The following PIBF1 variants were observed in gnomAD, a reference collection of about 807,000 sequenced individuals.
PIBF1 encodes the protein progesterone-induced-blocking factor 1.
Under a neutral mutation model 112.5 loss-of-function variants are expected in PIBF1, and 90 were observed. The ratio of observed to expected loss-of-function variants is 0.80; its 90% confidence interval spans 0.67 to 0.95. The LOEUF (loss-of-function observed/expected upper bound fraction) is 0.95, where lower values mean the gene tolerates loss of function less well. Ranked by LOEUF, PIBF1 falls within the 40% of genes least tolerant of loss-of-function variation. The pLI is 0.00. For synonymous variants in PIBF1, 301 were observed against 288.6 expected, an observed-to-expected ratio of 1.04 and a Z score of -0.44; for missense variants, 915 against 852.3, an observed-to-expected ratio of 1.07 and a Z score of -0.92.
At chr13:72,799,070 A>C (rs2035337285) in intron 5 of PIBF1, among the ~76,000 whole-genome samples, 1 of 152,226 alleles carries the variant, frequency 6.6e-6, no homozygotes, top group East Asian at 1.9e-4. Flanking sequence ...GGTTAGGATT[A>C]GAACGTTAGG....
chr13:72,811,759 C>T (rs1192072304), intron 5 of PIBF1, among the ~76,000 whole-genome samples: 1 of 152,000 alleles, frequency 6.6e-6, no homozygotes, highest in East Asian at 1.9e-4. Flanking sequence ...TTGCCTATAC[C>T]TCTAAAACCT....
At chr13:72,942,187 A>G (rs939519180) in intron 14 of PIBF1, among the ~76,000 whole-genome samples, 1 of 151,430 alleles carries the variant, frequency 6.6e-6, no homozygotes, top group Admixed American at 6.6e-5. Context: ...GGAGACTCAC[A>G]TACCTACCAT....
At chr13:72,805,389 G>T (rs893834430) in intron 5 of PIBF1, among the ~76,000 whole-genome samples, 2 of 152,130 alleles carry the variant, frequency 1.3e-5, no homozygotes, top group Non-Finnish European at 2.9e-5. Flanking sequence ...TCATCCGCCC[G>T]CCTTGACCTC....
rs989318457 is a variant in PIBF1, at chr13:72,827,064, A to T, written c.861A>T (p.Ile287=). The change falls in exon 7 of 18, where the codon ATA becomes ATT. Residue 287 remains isoleucine (I), a synonymous_variant. Coordinates refer to ENST00000326291, the MANE Select transcript of PIBF1 (RefSeq NM_006346.4). ...TTGAGCTTAGGAGAAAACATGAAAT[A>T]CTTGAAGCCTCTCACATGATTCAAA... ...EVIELRRKHE[I]LEASHMIQTK... 1 of 1,606,408 alleles carries T rather than the reference A, an allele frequency of 6.2e-7. No individual in the cohort carries two copies. Among genetic ancestry groups the T allele is most frequent in the Non-Finnish European group, 8.5e-7 (1 of 1,176,378 alleles).
intron 10 of PIBF1, among the ~76,000 whole-genome samples, chr13:72,871,337 G>T (rs925090694): frequency 2.6e-5 from 4 of 152,020 alleles, no homozygotes; most frequent in African/African-American, 9.7e-5. Flanking sequence ...ATGGAGTCTT[G>T]CTCTGTCGCC....
intron 14 of PIBF1, among the ~76,000 whole-genome samples, chr13:72,946,221 G>A (rs2042145782): frequency 6.6e-6 from 1 of 152,132 alleles, no homozygotes. Context: ...TCTTCACATG[G>A]TGGCAGCAAG....
intron 12 of PIBF1, among the ~76,000 whole-genome samples, chr13:72,912,016 G>A (rs9573062): frequency 0.74 from 112,394 of 151,212 alleles, 42,039 homozygotes; most frequent in African/African-American, 0.81. Flanking sequence ...AAGGAAGGAA[G>A]GAAAGAGAAA....
At chr13:72,794,691 G>A (rs754079695) in intron 3 of PIBF1, among the ~76,000 whole-genome samples, 2 of 152,146 alleles carry the variant, frequency 1.3e-5, no homozygotes, top group African/African-American at 2.4e-5. Flanking sequence ...ACATGCCTTT[G>A]CTTCTCTTTT....
chr13:72,796,000 G>T (rs2035173490), intron 4 of PIBF1, among the ~76,000 whole-genome samples: 1 of 152,118 alleles, frequency 6.6e-6, no homozygotes. Flanking sequence ...TTAATCTATG[G>T]CAGTGGTCTC....
chr13:72,868,828 TAAA>T (rs56290400), intron 10 of PIBF1, among the ~76,000 whole-genome samples: 164 of 114,228 alleles, frequency 1.4e-3, no homozygotes, highest in Admixed American at 2.0e-3. Flanking sequence ...TCCCAAAAAG[TAAA>T]AAAAAAAAAA....
intron 8 of PIBF1, among the ~76,000 whole-genome samples, chr13:72,829,402 A>G (rs1031127220): frequency 6.6e-6 from 1 of 152,150 alleles, no homozygotes; most frequent in Non-Finnish European, 1.5e-5. Flanking sequence ...TAGGATTTTT[A>G]TGATCCTAGG....
At chr13:72,986,846 G>A (rs893503010) in intron 16 of PIBF1, among the ~76,000 whole-genome samples, 16 of 151,946 alleles carry the variant, frequency 1.1e-4, no homozygotes, top group Admixed American at 1.3e-4. Flanking sequence ...GCCCGCCACC[G>A]CGCCCGGCTA....
chr13:72,911,678 C>G (rs2040899287), intron 12 of PIBF1, among the ~76,000 whole-genome samples: 1 of 151,976 alleles, frequency 6.6e-6, no homozygotes, highest in African/African-American at 2.4e-5. Context: ...AATGAATAGC[C>G]AAGCCACAGA....
chr13:72,798,115 G>A, intron 5 of PIBF1, 89 bp downstream of exon 5: 2 of 1,379,528 alleles, frequency 1.4e-6, no homozygotes, highest in South Asian at 1.6e-5. Flanking sequence ...ATAAAAGTCA[G>A]TGATTGAAAA....
chr13:72,845,154 A>G (rs772948014), intron 9 of PIBF1, among the ~76,000 whole-genome samples: 7 of 151,080 alleles, frequency 4.6e-5, no homozygotes, highest in Non-Finnish European at 1.0e-4. Flanking sequence ...CCCACCCCCA[A>G]GTTGGCTCCA....
intron 7 of PIBF1, 152 bp downstream of exon 7, chr13:72,827,270 CAGG>C (rs745829130): frequency 2.7e-5 from 9 of 327,738 alleles, no homozygotes; most frequent in Non-Finnish European, 4.0e-5. Flanking sequence ...TTTTTTGAGA[CAGG>C]AGTCTTTCCC....
At chr13:72,838,275 A>G (rs2037448715) in intron 9 of PIBF1, among the ~76,000 whole-genome samples, 1 of 152,232 alleles carries the variant, frequency 6.6e-6, no homozygotes, top group African/African-American at 2.4e-5. Flanking sequence ...AGAAACAATT[A>G]TCATAAGTAT....
intron 5 of PIBF1, among the ~76,000 whole-genome samples, chr13:72,808,088 G>A (rs551343501): frequency 1.2e-4 from 18 of 152,160 alleles, no homozygotes; most frequent in African/African-American, 2.2e-4. Context: ...AGTTATTTCC[G>A]ATTCAGAGAC....
intron 17 of PIBF1, among the ~76,000 whole-genome samples, chr13:73,002,809 T>C (rs764197722): frequency 1.3e-5 from 2 of 151,626 alleles, no homozygotes; most frequent in African/African-American, 2.4e-5. Flanking sequence ...CATACTGAAA[T>C]CCCGTCTCTA....
Sources: allele counts gnomAD v4.1 joint callset (sites outside exome capture counted in the v4.1 genomes callset), GRCh38; gene constraint gnomAD v4.1.1; transcripts MANE v1.5; gene names NCBI Gene and HGNC (gene_info 2026-07-23, HGNC 2026-07-21).